The following NCAPD3 variants were observed in gnomAD, a reference collection of about 807,000 sequenced individuals.
NCAPD3 encodes the protein non-SMC condensin II complex subunit D3.
NCAPD3 carries 105 observed loss-of-function variants against 182.9 expected under a neutral mutation model. That is an observed-to-expected ratio of 0.57 (90% CI 0.49 to 0.68). NCAPD3 has a LOEUF of 0.68. Ranked by LOEUF, NCAPD3 falls within the 30% of genes least tolerant of loss-of-function variation. The pLI, the probability that NCAPD3 is intolerant of heterozygous loss-of-function variation, is 0.00. For missense variants in NCAPD3, 1,944 were observed against 1,837.0 expected (o/e 1.06, Z -1.07); for synonymous variants, 815 against 679.9 (o/e 1.20, Z -3.09).
chr11:134,153,930 C>A lies in NCAPD3; in HGVS notation c.4253-567G>T, dbSNP rs1282657364. 4 of 161,000 alleles carry A rather than the reference C, an allele frequency of 2.5e-5. No homozygotes were observed. The East Asian group carries it at 7.2e-4, about 29-fold the overall frequency. The allele number at this position is 161,000 out of a possible 1,614,324, so 10.0% of individuals were successfully genotyped here. On this transcript the variant is annotated intron_variant, in intron 32 of 34. Transcript: ENST00000534548. ...GCGGCTCAGTCCACCTCCCCCCTCG[C>A]CCTTGATTGTTCATGGCACCTACCC...
chr11:134,204,598 G>C lies in NCAPD3; in HGVS notation c.1089+301C>G, dbSNP rs182385124. The stretch of plus-strand genomic sequence containing the variant: ...ACACATGTTGGGGGATGTGGGGTAG[G>C]GGTTTAAGTGACACAAAACTGTGGA... On this transcript the variant is annotated intron_variant, in intron 9 of 34. Coordinates refer to ENST00000534548, the MANE Select transcript of NCAPD3 (RefSeq NM_015261.3). The surrounding 1 kb of genome is among the most constrained non-coding windows in gnomAD (Gnocchi z 4.3). 1.1e-4 allele frequency among the ~76,000 whole-genome samples: 16 copies of C among 152,274 alleles called. No homozygotes were observed. The highest frequency in any genetic ancestry group is 6.5e-4 in the Admixed American group (10 of 15,302).
intron 24 of NCAPD3, among the ~76,000 whole-genome samples, chr11:134,172,269 T>A (rs1323687318): frequency 1.3e-5 from 2 of 152,174 alleles, no homozygotes; most frequent in African/African-American, 4.8e-5. Context: ...ATGCCCTAAC[T>A]TTCTGCTTTC....
intron 16 of NCAPD3, chr11:134,185,941 T>A (rs1944396980): frequency 6.7e-6 from 1 of 149,148 alleles, no homozygotes; most frequent in African/African-American, 2.5e-5. Context: ...GGAGTCTCGC[T>A]CTGTCGCCCA....
At chr11:134,200,923 A>G (rs1591853228) in intron 13 of NCAPD3, among the ~76,000 whole-genome samples, 1 of 152,252 alleles carries the variant, frequency 6.6e-6, no homozygotes, top group South Asian at 2.1e-4. Context: ...GATAGATGCT[A>G]TAACATGAAT....
chr11:134,153,606 CCTCA>C, intron 32 of NCAPD3: 1 of 561,198 alleles, frequency 1.8e-6, no homozygotes, highest in Non-Finnish European at 3.2e-6. Flanking sequence ...GGCCCCTGGG[CCTCA>C]CTGTTCACGC....
chr11:134,176,686 ACATACAAC>A (rs1944176059), intron 23 of NCAPD3, among the ~76,000 whole-genome samples: 1 of 152,238 alleles, frequency 6.6e-6, no homozygotes, highest in Non-Finnish European at 1.5e-5. Context: ...ACCAGGACAG[ACATACAAC>A]CTAAGTGAAA....
intron 16 of NCAPD3, among the ~76,000 whole-genome samples, chr11:134,190,336 A>G (rs1173864459): frequency 2.6e-5 from 4 of 152,202 alleles, no homozygotes; most frequent in Admixed American, 2.6e-4. Context: ...CCTTGCTTTC[A>G]GTCATCTCAG....
At chr11:134,155,406 T>C (rs768251549) in intron 32 of NCAPD3, among the ~76,000 whole-genome samples, 1 of 152,092 alleles carries the variant, frequency 6.6e-6, no homozygotes, top group Non-Finnish European at 1.5e-5. Flanking sequence ...CCTCCAGGCA[T>C]TTCTTCCTGG....
chr11:134,223,766 C>T, intron 1 of NCAPD3, 97 bp downstream of exon 1: 2 of 1,444,450 alleles, frequency 1.4e-6, no homozygotes, highest in Non-Finnish European at 1.9e-6. Context: ...GCGCCCCCAC[C>T]CCGCCCCCAC....
intron 2 of NCAPD3, among the ~76,000 whole-genome samples, chr11:134,218,257 C>T (rs1469437500): frequency 6.6e-6 from 1 of 152,080 alleles, no homozygotes; most frequent in African/African-American, 2.4e-5. Context: ...GTCACCTTGG[C>T]CCCATGTGAT....
chr11:134,189,416 A>G (rs1267816062), intron 16 of NCAPD3, among the ~76,000 whole-genome samples: 1 of 152,234 alleles, frequency 6.6e-6, no homozygotes, highest in African/African-American at 2.4e-5. Flanking sequence ...ATACACATTT[A>G]ACGTTACACA....
chr11:134,153,653 GC>G (rs1943329570), intron 32 of NCAPD3: 1 of 477,738 alleles, frequency 2.1e-6, no homozygotes, highest in Non-Finnish European at 3.8e-6. Flanking sequence ...TTCCATCATT[GC>G]CCCTGTCCCG....
Position 134,152,918 on chromosome 11 carries a change from G to A in NCAPD3, c.*26C>T. 3 of 1,501,372 alleles carry A rather than the reference G, an allele frequency of 2.0e-6. No individual in the cohort carries two copies. The highest frequency in any genetic ancestry group is 2.7e-6 in the Non-Finnish European group (3 of 1,118,076). 93.0% of individuals were successfully genotyped at this position (1,501,372 alleles called of 1,614,324 possible). A position where few individuals can be genotyped will look rare whatever the true frequency, so the allele number is the denominator to read the frequency against. Reference sequence around the variant, plus strand: ...ACTGCTTCCTCAAGGGCTCCTGCCTGCCTGGACACTGGTGGGAGGCGCTGT... The same window carrying A: ...ACTGCTTCCTCAAGGGCTCCTGCCTACCTGGACACTGGTGGGAGGCGCTGT... On this transcript the variant is annotated 3_prime_UTR_variant, in exon 35 of 35. Coordinates refer to ENST00000534548, the MANE Select transcript of NCAPD3 (RefSeq NM_015261.3).
intron 13 of NCAPD3, among the ~76,000 whole-genome samples, chr11:134,197,439 G>A (rs1944656772): frequency 1.3e-5 from 2 of 151,934 alleles, no homozygotes; most frequent in South Asian, 4.1e-4. Context: ...ACCATGCCCA[G>A]CTAATTTTTG....
chr11:134,150,964 T>G lies in NCAPD3; in HGVS notation c.*1980A>C, dbSNP rs1330687413. 2.6e-5 allele frequency: 4 copies of G among 152,234 alleles called. No homozygotes were observed. The highest frequency in any genetic ancestry group is 5.9e-5 in the Non-Finnish European group (4 of 68,044). The allele number at this position is 152,234 out of a possible 1,614,324, so 9.4% of individuals were successfully genotyped here. Reference sequence around the variant, plus strand: ...TAAATTTTTCATCCGCCGGAGACACTGCTCCCATTTGTGGGGGGACATTAG... The same window carrying G: ...TAAATTTTTCATCCGCCGGAGACACGGCTCCCATTTGTGGGGGGACATTAG... On this transcript the variant is annotated 3_prime_UTR_variant, in exon 35 of 35. Coordinates refer to ENST00000534548, the MANE Select transcript of NCAPD3 (RefSeq NM_015261.3).
At chr11:134,171,782 T>A (rs1372848788) in intron 24 of NCAPD3, among the ~76,000 whole-genome samples, 1 of 152,102 alleles carries the variant, frequency 6.6e-6, no homozygotes, top group Non-Finnish European at 1.5e-5. Context: ...CTCAGGGCAC[T>A]CCCTATGCTT....
At position 134,157,948 on chromosome 11, in the gene NCAPD3, G is replaced by A. The variant is rs1943469895; in HGVS notation, c.4154C>T (p.Pro1385Leu). 6.2e-7 allele frequency: 1 copy of A among 1,613,430 alleles called. No homozygotes were observed. Among genetic ancestry groups the A allele is most frequent in the Admixed American group, 1.7e-5 (1 of 59,842 alleles). The change falls in exon 31 of 35, where the codon CCA becomes CTA. Residue 1385 changes from proline to leucine, a missense_variant. Physicochemically the swap from Pro to Leu is moderately conservative, Grantham distance 98 (BLOSUM62 -3). Coordinates refer to ENST00000534548, the MANE Select transcript of NCAPD3 (RefSeq NM_015261.3). ...CTTACCCTGACTGCACGTTTTTTCT[G>A]GGCTTCCAGAATTTAAAGTGAAAGG... ...VLPFTLNSGSPEKTCSQVSSY... is the reference protein window; with the variant it reads ...VLPFTLNSGSLEKTCSQVSSY...
intron 1 of NCAPD3, among the ~76,000 whole-genome samples, chr11:134,221,592 T>C (rs1345164031): frequency 6.6e-6 from 1 of 152,164 alleles, no homozygotes; most frequent in African/African-American, 2.4e-5. Context: ...ATTGTCACTT[T>C]CCCAAACTAA....
chr11:134,156,293 C>T (rs1943417206), intron 32 of NCAPD3, among the ~76,000 whole-genome samples: 1 of 152,256 alleles, frequency 6.6e-6, no homozygotes, highest in Admixed American at 6.5e-5. Context: ...ATGCAGCTTG[C>T]TGAGGGCACT....
Sources: allele counts gnomAD v4.1 joint callset (sites outside exome capture counted in the v4.1 genomes callset), GRCh38; gene constraint gnomAD v4.1.1; non-coding constraint Gnocchi (gnomAD v3.1); transcripts MANE v1.5; gene names NCBI Gene and HGNC (gene_info 2026-07-23, HGNC 2026-07-21).